SHPRH: variants seen among roughly 807,000 people sequenced by gnomAD.
The protein encoded by SHPRH is SNF2 histone linker PHD RING helicase, also known as E3 ubiquitin-protein ligase SHPRH.
SHPRH carries 106 observed loss-of-function variants against 202.5 expected under a neutral mutation model. That is an observed-to-expected ratio of 0.52 (90% confidence interval 0.45 to 0.62). The LOEUF (loss-of-function observed/expected upper bound fraction) is 0.62, where lower values mean the gene tolerates loss of function less well. SHPRH is among the 20% of genes least tolerant of loss of function. The pLI, the probability that SHPRH is intolerant of heterozygous loss-of-function variation, is 0.00. For synonymous variants in SHPRH, 729 were observed against 686.0 expected (o/e 1.06, Z -0.98); for missense variants, 1,710 against 2,020.0 (o/e 0.85, Z 2.94).
At chr6:145,894,786 AT>A (rs953249003) in intron 26 of SHPRH, 98 bp downstream of exon 26, 43 of 1,003,446 alleles carry the variant, frequency 4.3e-5, no homozygotes, top group Non-Finnish European at 6.1e-5. Flanking sequence ...GGGAAAAAAA[AT>A]CTAAGAGTAA....
Position 145,941,667 on chromosome 6 carries a change from T to C in SHPRH, c.2446A>G (p.Ile816Val). Residue 816 changes from isoleucine to valine, a missense_variant, in exon 10 of 30, where the codon ATC (isoleucine) becomes GTC (valine). Ile to Val is a conservative substitution (Grantham distance 29). Coordinates refer to ENST00000275233, the MANE Select transcript of SHPRH (RefSeq NM_001042683.3). The stretch of plus-strand genomic sequence containing the variant: ...ACCATCTGAGCTTCATCAAGGCAGA[T>C]CCTCCACCACTCCACAGCTACCAGG... ...SPLVAVEWWRICLDEAQMVEC... is the reference protein window; with the variant it reads ...SPLVAVEWWRVCLDEAQMVEC... The C allele has an allele frequency of 6.2e-7, 1 of 1,614,002 alleles. No homozygotes were observed. The highest frequency in any genetic ancestry group is 8.5e-7 in the Non-Finnish European group (1 of 1,179,938).
At chr6:145,874,529 G>A (rs1345199925) in intron 2 of SHPRH, among the ~76,000 whole-genome samples, 1 of 152,122 alleles carries the variant, frequency 6.6e-6, no homozygotes, top group Non-Finnish European at 1.5e-5. Context: ...TATTTAAGGT[G>A]TATAATGTAA....
Position 145,870,007 on chromosome 6 carries a change from C to A in SHPRH, c.222-5516G>T, listed in dbSNP as rs1779983366. Among the ~76,000 whole-genome samples, 3 of 151,562 alleles carry A rather than the reference C, an allele frequency of 2.0e-5. No homozygotes were observed. The South Asian group carries it at 6.2e-4, about 32-fold the overall frequency. ...CTATCTCTTCATTTATTTAGTTATT[C>A]TTTGATTTTTTTTCTTCAGTGTTTT... On this transcript the variant is annotated intron_variant, in intron 2 of 2. Transcript: ENST00000417762.
chr6:145,949,926 T>C (rs1368931564), intron 4 of SHPRH, among the ~76,000 whole-genome samples: 1 of 152,116 alleles, frequency 6.6e-6, no homozygotes, highest in Non-Finnish European at 1.5e-5. Flanking sequence ...TTCTTGCAGA[T>C]GGTCAGTAAG....
In SHPRH at chr6:145,892,007, C is replaced by G. The variant is rs146129198; in HGVS notation, c.4874+1208G>C. Reference sequence around the variant, plus strand: ...GCCCGCATTTATTACAGTTACTTTGCCCTATTTGTTAAGAGGTTTAATAAA... The same window carrying G: ...GCCCGCATTTATTACAGTTACTTTGGCCTATTTGTTAAGAGGTTTAATAAA... On this transcript the variant is annotated intron_variant, in intron 28 of 29. Transcript: ENST00000275233. Among the ~76,000 whole-genome samples, 225 of 152,226 alleles carry G rather than the reference C, an allele frequency of 1.5e-3. 1 individual carries two copies. Among genetic ancestry groups the G allele is most frequent in the African/African-American group, 5.2e-3 (215 of 41,538 alleles).
At chr6:145,925,802 A>G (rs963877260) in intron 16 of SHPRH, among the ~76,000 whole-genome samples, 3 of 152,004 alleles carry the variant, frequency 2.0e-5, no homozygotes, top group Non-Finnish European at 4.4e-5. Context: ...AACTACCACC[A>G]AAAATTTGAC....
Position 145,946,241 on chromosome 6 carries a change from T to C in SHPRH, c.1313A>G (p.Gln438Arg), listed in dbSNP as rs1411096648. 1 of 1,607,972 alleles carries C rather than the reference T, an allele frequency of 6.2e-7. No individual in the cohort carries two copies. The highest frequency in any genetic ancestry group is 8.5e-7 in the Non-Finnish European group (1 of 1,177,094). The change falls in exon 7 of 30, where the codon CAA becomes CGA. Residue 438 changes from glutamine (Q) to arginine (R), a missense_variant. By Grantham distance (43) the Gln-to-Arg change is conservative (BLOSUM62 1). Around this residue, in one of 8 missense-constraint regions of SHPRH, gnomAD observed 348 missense variants for 356.9 expected, o/e 0.97. Transcript: ENST00000275233. ...NIEFEPKEKV[Q>R]CPPTRVMILT... The stretch of plus-strand genomic sequence containing the variant: ...AGAGATGTCTTACTTACGAGGGCAT[T>C]GAACTTTTTCTTTTGGTTCAAATTC...
Position 145,954,930 on chromosome 6 carries a change from T to C in SHPRH, c.393A>G (p.Glu131=). ...LQLLPAQSLI[E]NFSERSITLM... ...ATGTAATACTCCTTTCGGAAAAATT[T>C]TCAATTAAACTCTGTGCAGGAAGAA... The change falls in exon 2 of 30, where the codon GAA becomes GAG. Residue 131 remains glutamate, a synonymous_variant. Coordinates refer to ENST00000275233, the MANE Select transcript of SHPRH (RefSeq NM_001042683.3). 1 of 1,613,864 alleles carries C rather than the reference T, an allele frequency of 6.2e-7. No homozygotes were observed. Among genetic ancestry groups the C allele is most frequent in the Non-Finnish European group, 8.5e-7 (1 of 1,179,900 alleles).
At chr6:145,957,589 T>C (rs1485868212) in intron 1 of SHPRH, among the ~76,000 whole-genome samples, 2 of 152,102 alleles carry the variant, frequency 1.3e-5, no homozygotes, top group South Asian at 2.1e-4. Context: ...AAAATAAGCA[T>C]ATGAAAATAT....
downstream of SHPRH, among the ~76,000 whole-genome samples, chr6:145,860,461 A>G (rs1024914966): frequency 1.3e-5 from 2 of 152,064 alleles, no homozygotes; most frequent in African/African-American, 4.8e-5. Context: ...AGACTTGTAC[A>G]TTGAAAACTA....
At chr6:145,900,139 G>T (rs1782367991) in intron 25 of SHPRH, among the ~76,000 whole-genome samples, 1 of 152,104 alleles carries the variant, frequency 6.6e-6, no homozygotes, top group South Asian at 2.1e-4. Context: ...CAATCCAGCA[G>T]TTCTATTTCT....
chr6:145,941,895 G>A (rs754257154), intron 9 of SHPRH, 21 bp from the exon 10 acceptor site: 1 of 1,607,984 alleles, frequency 6.2e-7, no homozygotes, highest in South Asian at 1.1e-5. Context: ...ATCAATACAG[G>A]CAGTTATTGC....
At chr6:145,912,413 C>T (rs763867845) in intron 24 of SHPRH, among the ~76,000 whole-genome samples, 3 of 152,022 alleles carry the variant, frequency 2.0e-5, no homozygotes, top group Non-Finnish European at 4.4e-5. Context: ...TATGAAAGAA[C>T]TTTAAAAACT....
chr6:145,960,873 G>A (rs1385881789), intron 1 of SHPRH, among the ~76,000 whole-genome samples: 2 of 152,134 alleles, frequency 1.3e-5, no homozygotes, highest in Non-Finnish European at 2.9e-5. Flanking sequence ...CGGAGGAGAG[G>A]GGTGGAGTGG....
At chr6:145,863,127 A>T (rs1451560549), downstream of SHPRH, among the ~76,000 whole-genome samples, 1 of 152,224 alleles carries the variant, frequency 6.6e-6, no homozygotes, top group Non-Finnish European at 1.5e-5. Context: ...ACAGGAATCT[A>T]TCCAGCCTGA....
chr6:145,858,131 G>A, the SHPRH span, among the ~76,000 whole-genome samples: 1 of 152,022 alleles, frequency 6.6e-6, no homozygotes, highest in Non-Finnish European at 1.5e-5. Flanking sequence ...ATTTAAAACG[G>A]TATGGAGTTT....
intron 27 of SHPRH, among the ~76,000 whole-genome samples, chr6:145,893,849 T>C (rs1248459902): frequency 2.0e-5 from 3 of 151,780 alleles, no homozygotes; most frequent in Non-Finnish European, 4.4e-5. Flanking sequence ...CTTTAGAAAC[T>C]AATCCTTGGG....
chr6:145,930,997 G>A (rs1013941387), intron 14 of SHPRH, among the ~76,000 whole-genome samples: 1 of 152,016 alleles, frequency 6.6e-6, no homozygotes, highest in Non-Finnish European at 1.5e-5. Flanking sequence ...AGTTCCAGTG[G>A]TACAATCAGT....
intron 13 of SHPRH, among the ~76,000 whole-genome samples, chr6:145,934,342 T>G (rs1350998291): frequency 6.6e-6 from 1 of 151,744 alleles, no homozygotes; most frequent in Non-Finnish European, 1.5e-5. Flanking sequence ...GGCACATGTC[T>G]GTAATCCCAG....
Sources: allele counts gnomAD v4.1 joint callset (sites outside exome capture counted in the v4.1 genomes callset), GRCh38; gene constraint gnomAD v4.1.1; regional missense constraint gnomAD v4.1.1; transcripts MANE v1.5; gene names NCBI Gene and HGNC (gene_info 2026-07-23, HGNC 2026-07-21).